JMJD1C: variants seen among roughly 807,000 people sequenced by gnomAD.
JMJD1C encodes the protein jumonji domain containing 1C.
A neutral mutation model predicts 245.3 loss-of-function variants in JMJD1C; 31 were observed. The ratio of observed to expected loss-of-function variants is 0.13; its 90% CI spans 0.09 to 0.17. The LOEUF (loss-of-function observed/expected upper bound fraction) is 0.17. Among genes scored for constraint, JMJD1C ranks in the 10% least tolerant of loss-of-function variants. JMJD1C has a pLI of 1.00. For missense variants in JMJD1C, 2,691 were observed against 3,000.2 expected (o/e 0.90, Z 2.41); for synonymous variants, 1,057 against 1,017.4 (o/e 1.04, Z -0.74).
chr10:63,402,955 C>T (rs186765284), intron 1 of JMJD1C, among the ~76,000 whole-genome samples: 82 of 152,280 alleles, frequency 5.4e-4, no homozygotes, highest in African/African-American at 1.9e-3. Flanking sequence ...CCTTACTCTA[C>T]GGATCAGTAT....
At chr10:63,277,682 A>T (rs1856933824) in intron 2 of JMJD1C, among the ~76,000 whole-genome samples, 1 of 151,436 alleles carries the variant, frequency 6.6e-6, no homozygotes, top group Non-Finnish European at 1.5e-5. Context: ...TTAAAAAACA[A>T]ATTGACCAAG....
intron 1 of JMJD1C, among the ~76,000 whole-genome samples, chr10:63,455,604 AT>A (rs919460721): frequency 4.0e-4 from 61 of 151,568 alleles, no homozygotes; most frequent in African/African-American, 1.4e-3. Flanking sequence ...CCAGATTCAG[AT>A]TTTTTTTTCA....
rs779380226 is a variant in JMJD1C at position 63,198,609 on chromosome 10, T to C, written c.5395A>G (p.Ile1799Val). Reference sequence around the variant, plus strand: ...TCCAAGATATATTTAGAAGTCTCTATATCTAGTTCATCATCTTCAAAATTT... The same window carrying C: ...TCCAAGATATATTTAGAAGTCTCTACATCTAGTTCATCATCTTCAAAATTT... ...HENFEDDELD[I>V]ETSKYILDII... The change falls in exon 12 of 26, where the codon ATA (isoleucine) becomes GTA (valine). Residue 1799 changes from isoleucine (I) to valine (V), a missense_variant. Around this residue, in one of 9 missense-constraint regions of JMJD1C, gnomAD observed 139 missense variants for 270.5 expected, o/e 0.51. Coordinates refer to ENST00000399262, the MANE Select transcript of JMJD1C (RefSeq NM_032776.3). 34 of 1,607,176 alleles carry C rather than the reference T, an allele frequency of 2.1e-5. 1 individual carries two copies. Among genetic ancestry groups the C allele is most frequent in the Admixed American group, 1.8e-4 (11 of 59,988 alleles).
intron 3 of JMJD1C, among the ~76,000 whole-genome samples, chr10:63,250,255 T>C (rs1180121871): frequency 1.3e-5 from 2 of 152,188 alleles, no homozygotes; most frequent in Non-Finnish European, 2.9e-5. Flanking sequence ...TGGCCTCAAG[T>C]GATCCTCCTG....
intron 2 of JMJD1C, among the ~76,000 whole-genome samples, chr10:63,265,706 G>A (rs1387254912): frequency 6.6e-6 from 1 of 151,962 alleles, no homozygotes; most frequent in East Asian, 1.9e-4. Flanking sequence ...TTTTTTAACT[G>A]GAAAAAAGTT....
At chr10:63,245,478 CTTTTTTTTTTT>C (rs71025134) in intron 3 of JMJD1C, among the ~76,000 whole-genome samples, 3 of 90,158 alleles carry the variant, frequency 3.3e-5, no homozygotes, top group Non-Finnish European at 6.2e-5. Context: ...CAGGGGAACT[CTTTTTTTTTTT>C]TTTTTTTTTT....
chr10:63,315,850 A>T (rs375810867), intron 2 of JMJD1C, among the ~76,000 whole-genome samples: 18 of 151,194 alleles, frequency 1.2e-4, no homozygotes, highest in Non-Finnish European at 2.1e-4. Context: ...AAAAAAAAAA[A>T]AAAACACCAC....
chr10:63,404,685 C>G (rs148297690), intron 1 of JMJD1C, among the ~76,000 whole-genome samples: 2,029 of 152,056 alleles, frequency 0.013, 32 homozygotes, highest in African/African-American at 0.034. Context: ...CAGATCTGAA[C>G]AAGAAAGGTT....
chr10:63,222,761 G>C, intron 3 of JMJD1C: 3 of 1,502,306 alleles, frequency 2.0e-6, no homozygotes, highest in Non-Finnish European at 1.9e-6. Context: ...ACTGAAAACT[G>C]AAACTAATTT....
intron 3 of JMJD1C, among the ~76,000 whole-genome samples, chr10:63,254,505 G>A (rs150976745): frequency 6.6e-6 from 1 of 152,308 alleles, no homozygotes; most frequent in East Asian, 1.9e-4. Flanking sequence ...AAGGCAGGCA[G>A]TGTAACAGAA....
At position 63,215,557 on chromosome 10, in the gene JMJD1C, A is replaced by T; in HGVS notation, c.818T>A (p.Val273Asp). The change falls in exon 6 of 26, where the codon GTT (valine) becomes GAT (aspartate). Residue 273 changes from valine (V) to aspartate (D), a missense_variant. Physicochemically the swap from Val to Asp is radical, Grantham distance 152 (BLOSUM62 -3). This residue lies in a region of JMJD1C where 172 missense variants were observed against 240.8 expected (regional missense o/e 0.71). Coordinates refer to ENST00000399262, the MANE Select transcript of JMJD1C (RefSeq NM_032776.3). ...RSRANQNVNA[V>D]HSHYTRAQAN... ...CATCCCTAATAACATACATACGTGA[A>T]CAGCGTTGACGTTTTGATTGGCACG... 1.9e-6 allele frequency: 3 copies of T among 1,609,394 alleles called. No individual in the cohort carries two copies. The highest frequency in any genetic ancestry group is 2.6e-6 in the Non-Finnish European group (3 of 1,176,186).
chr10:63,253,738 C>A (rs1187605813), intron 3 of JMJD1C, among the ~76,000 whole-genome samples: 1 of 152,058 alleles, frequency 6.6e-6, no homozygotes, highest in African/African-American at 2.4e-5. Flanking sequence ...GGTATTTAAC[C>A]AACCGTGATG....
chr10:63,514,092 ATCAG>A (rs906592503), intron 1 of JMJD1C, among the ~76,000 whole-genome samples: 12 of 152,218 alleles, frequency 7.9e-5, no homozygotes, highest in Non-Finnish European at 1.6e-4. Flanking sequence ...ATCATCTCAC[ATCAG>A]TCAGAGTGGC....
upstream of JMJD1C, chr10:63,466,056 A>T (rs954636224): frequency 4.5e-6 from 1 of 220,112 alleles, no homozygotes; most frequent in African/African-American, 2.3e-5. Flanking sequence ...CAGCCGCGGG[A>T]GGGTCGGCGG....
chr10:63,223,147 CAAA>C (rs1478498515), intron 3 of JMJD1C: 19 of 577,784 alleles, frequency 3.3e-5, no homozygotes, highest in African/African-American at 7.7e-5. Flanking sequence ...AAAAAAAACC[CAAA>C]CAAACAAAAA....
chr10:63,460,662 G>A (rs1231714757), intron 1 of JMJD1C, among the ~76,000 whole-genome samples: 2 of 152,094 alleles, frequency 1.3e-5, no homozygotes, highest in Non-Finnish European at 2.9e-5. Context: ...ATGTGAAGAT[G>A]ACAGAAAATG....
chr10:63,241,396 T>G (rs1208042107), intron 3 of JMJD1C, among the ~76,000 whole-genome samples: 3 of 152,184 alleles, frequency 2.0e-5, no homozygotes, highest in Admixed American at 2.0e-4. Context: ...TTGTTAAAGC[T>G]GCATGCTACA....
intron 1 of JMJD1C, among the ~76,000 whole-genome samples, chr10:63,411,712 C>G (rs1020931071): frequency 4.0e-5 from 6 of 151,188 alleles, no homozygotes; most frequent in Non-Finnish European, 8.8e-5. Context: ...AAGTGATTCT[C>G]CTGCCTCAGC....
At chr10:63,351,866 T>C (rs953496138) in intron 2 of JMJD1C, among the ~76,000 whole-genome samples, 8 of 152,322 alleles carry the variant, frequency 5.3e-5, no homozygotes, top group Admixed American at 2.6e-4. Flanking sequence ...CACATCATTT[T>C]AGTGATACAA....
Sources: allele counts gnomAD v4.1 joint callset (sites outside exome capture counted in the v4.1 genomes callset), GRCh38; gene constraint gnomAD v4.1.1; regional missense constraint gnomAD v4.1.1; transcripts MANE v1.5; gene names NCBI Gene and HGNC (gene_info 2026-07-23, HGNC 2026-07-21).